Variants in LGALS9 observed in about 807,000 individuals in gnomAD.
The protein encoded by LGALS9 is galectin 9.
Under a neutral mutation model 35.9 loss-of-function variants are expected in LGALS9, and 26 were observed. The ratio of observed to expected loss-of-function variants is 0.72; its 90% CI spans 0.53 to 1.01. LGALS9 has a LOEUF of 1.01. Among genes scored for constraint, LGALS9 ranks in the 50% least tolerant of loss-of-function variants. LGALS9 has a pLI of 0.00. For missense variants in LGALS9, 347 were observed against 445.8 expected, an observed-to-expected ratio of 0.78 and a Z score of 1.99; for synonymous variants, 149 against 172.2, an observed-to-expected ratio of 0.87 and a Z score of 1.06.
At chr17:27,640,951 A>C in intron 3 of LGALS9, 178 bp downstream of exon 3, 2 of 970,618 alleles carry the variant, frequency 2.1e-6, no homozygotes, top group South Asian at 2.8e-5. Flanking sequence ...ATGCACCTTC[A>C]TCTGAATCTA....
rs72845803 is a variant in LGALS9 at position 27,646,730 on chromosome 17, G to A, written c.669+142G>A. On this transcript the variant is annotated intron_variant, in intron 8 of 10. Coordinates refer to ENST00000395473, the MANE Select transcript of LGALS9 (RefSeq NM_009587.3). ...CTGAAGGGCTTCAAAGCATCCCAGCGAATTAGAAGGCTGTGGAGAGGAGCT... is the reference window on the plus strand; with the variant it reads ...CTGAAGGGCTTCAAAGCATCCCAGCAAATTAGAAGGCTGTGGAGAGGAGCT... 8.3e-4 allele frequency: 1,158 copies of A among 1,402,772 alleles called. 2 individuals carry two copies. Among genetic ancestry groups the A allele is most frequent in the Non-Finnish European group, 1.1e-3 (1,121 of 1,002,304 alleles). 86.9% of individuals were successfully genotyped at this position (1,402,772 alleles called of 1,614,324 possible). A position where few individuals can be genotyped will look rare whatever the true frequency, so the allele number is the denominator to read the frequency against.
At chr17:27,637,265 A>G (rs1415323377) in intron 1 of LGALS9, among the ~76,000 whole-genome samples, 1 of 152,162 alleles carries the variant, frequency 6.6e-6, no homozygotes, top group Non-Finnish European at 1.5e-5. Context: ...AGCATCTCCT[A>G]TGTGCCAGTC....
At position 27,648,980 on chromosome 17, in the gene LGALS9, T is replaced by A. The variant is rs201620769; in HGVS notation, c.1066T>A (p.Ter356LysextTer183). 19 of 1,613,774 alleles carry A rather than the reference T, an allele frequency of 1.2e-5. No individual in the cohort carries two copies. The highest frequency in any genetic ancestry group is 1.6e-5 in the Non-Finnish European group (19 of 1,179,838). ...GDIQLTHVQT[*>K] ...CATCCAGCTGACCCATGTGCAGACA[T>A]AGGCGGCTTCCTGGCCCTGGGGCCG... is the stretch of plus-strand genomic sequence containing the variant. The change falls in exon 11 of 11, where the codon TAG (stop) becomes AAG (lysine). Residue 356 changes from the stop codon to lysine (K), a stop_lost. Transcript: ENST00000395473.
chr17:27,637,479 A>G (rs978746471), intron 1 of LGALS9, among the ~76,000 whole-genome samples: 8 of 152,126 alleles, frequency 5.3e-5, no homozygotes, highest in African/African-American at 9.7e-5. Flanking sequence ...ATGGCCCATC[A>G]CTCCTTTAAA....
At chr17:27,640,072 A>ATGT (rs371301084) in intron 2 of LGALS9, among the ~76,000 whole-genome samples, 21 of 151,604 alleles carry the variant, frequency 1.4e-4, no homozygotes, top group African/African-American at 4.1e-4. Flanking sequence ...AGCTCTCACT[A>ATGT]TGTTGCCCAG....
chr17:27,640,897 C>T lies in LGALS9; in HGVS notation c.333+124C>T, dbSNP rs1390617889. 2.8e-6 allele frequency: 4 copies of T among 1,425,210 alleles called. 1 individual carries two copies. The South Asian group carries it at 3.7e-5, about 13-fold the overall frequency. 88.3% of individuals were successfully genotyped at this position (1,425,210 alleles called of 1,614,324 possible). On this transcript the variant is annotated intron_variant, in intron 3 of 10. Transcript: ENST00000395473. ...GTGACACCACTATACAGATAACACG[C>T]TCATTTCCTTGTGAGGTGTTACCCA...
At chr17:27,637,978 T>G (rs770857792) in intron 1 of LGALS9, among the ~76,000 whole-genome samples, 1 of 152,084 alleles carries the variant, frequency 6.6e-6, no homozygotes, top group Non-Finnish European at 1.5e-5. Flanking sequence ...CAGCCTCCAC[T>G]GCCTCTTAGA....
intron 2 of LGALS9, 181 bp from the exon 3 acceptor site, chr17:27,640,391 A>T: frequency 1.1e-6 from 1 of 936,610 alleles, no homozygotes; most frequent in Non-Finnish European, 1.6e-6. Context: ...TCCAATAATT[A>T]AAACAAAAAC....
chr17:27,645,318 C>T lies in LGALS9; in HGVS notation c.545C>T (p.Pro182Leu), dbSNP rs1421059478. ...PRPRGRRQKPPGVWPANPAPI... is the reference protein window; with the variant it reads ...PRPRGRRQKPLGVWPANPAPI... ...TGACTCTCCTCACCCCTCCAGCCTC[C>T]CGGCGTGTGGCCTGCCAACCCGGCT... is the stretch of plus-strand genomic sequence containing the variant. Residue 182 changes from proline to leucine, a missense_variant, in exon 6 of 11, where the codon CCC becomes CTC. Physicochemically the swap from Pro to Leu is moderately conservative, Grantham distance 98 (BLOSUM62 -3). Transcript: ENST00000395473. The T allele has an allele frequency of 5.6e-6, 9 of 1,613,712 alleles. No individual in the cohort carries two copies. Among genetic ancestry groups the T allele is most frequent in the Non-Finnish European group, 6.8e-6 (8 of 1,179,832 alleles).
intron 8 of LGALS9, 52 bp downstream of exon 8, chr17:27,646,640 G>T: frequency 1.2e-6 from 2 of 1,612,646 alleles, no homozygotes; most frequent in Non-Finnish European, 1.7e-6. Flanking sequence ...GGGCAGGCTG[G>T]GGGTGAAGGG....
At chr17:27,643,494 C>G in intron 4 of LGALS9, 31 bp from the exon 5 acceptor site, 1 of 1,610,976 alleles carries the variant, frequency 6.2e-7, no homozygotes, top group South Asian at 1.1e-5. Flanking sequence ...TAATGCTTCT[C>G]CTCACTGCCC....
chr17:27,631,376 A>G lies in LGALS9; in HGVS notation c.39+72A>G, dbSNP rs2074391416. On this transcript the variant is annotated intron_variant, in intron 1 of 10. Coordinates refer to ENST00000395473, the MANE Select transcript of LGALS9 (RefSeq NM_009587.3). ...ACAGCTCTGGGGCTCTGAGGAAGCAACTCCTGGGTGGCAGGGGATGGGGGT... is the reference window on the plus strand; with the variant it reads ...ACAGCTCTGGGGCTCTGAGGAAGCAGCTCCTGGGTGGCAGGGGATGGGGGT... The G allele has an allele frequency of 1.9e-6, 3 of 1,603,122 alleles. No homozygotes were observed. In the South Asian group the frequency reaches 3.3e-5, roughly 18 times the overall value.
Position 27,642,657 on chromosome 17 carries a change from A to G in LGALS9, c.444+309A>G, listed in dbSNP as rs1360614997. ...TTGTTCTAGAAAGAGCCCAGGCTCA[A>G]GAACCAAACTGAATCCAGTTCAAAT... On this transcript the variant is annotated intron_variant, in intron 4 of 10. Transcript: ENST00000395473. 4.7e-4 allele frequency among the ~76,000 whole-genome samples: 72 copies of G among 151,688 alleles called. 2 individuals are homozygous for G. Among genetic ancestry groups the G allele is most frequent in the African/African-American group, 1.7e-3 (68 of 40,944 alleles).
chr17:27,637,774 C>T lies in LGALS9; in HGVS notation c.40-489C>T, dbSNP rs548109689. Among the ~76,000 whole-genome samples, 139 of 152,308 alleles carry T rather than the reference C, an allele frequency of 9.1e-4. 1 individual carries two copies. The Middle Eastern group carries it at 0.017, about 19-fold the overall frequency. ...CCTCCTCGGGTGAGTCGAAGGTTTA[C>T]CCTCCAGACCCTTGATGGGTCCCTT... On this transcript the variant is annotated intron_variant, in intron 1 of 10. Coordinates refer to ENST00000395473, the MANE Select transcript of LGALS9 (RefSeq NM_009587.3).
At chr17:27,634,699 C>T (rs2074425924) in intron 1 of LGALS9, among the ~76,000 whole-genome samples, 1 of 152,206 alleles carries the variant, frequency 6.6e-6, no homozygotes, top group Non-Finnish European at 1.5e-5. Context: ...CTTGTGATCA[C>T]ATTGGGACCA....
At chr17:27,637,517 G>GTGGTT in intron 1 of LGALS9, among the ~76,000 whole-genome samples, 1 of 152,336 alleles carries the variant, frequency 6.6e-6, no homozygotes. Context: ...ATTTGACAAA[G>GTGGTT]TGGTTGCCCG....
At chr17:27,643,197 C>T (rs1476024959) in intron 4 of LGALS9, among the ~76,000 whole-genome samples, 1 of 152,218 alleles carries the variant, frequency 6.6e-6, no homozygotes, top group Non-Finnish European at 1.5e-5. Flanking sequence ...TTTTGGCATT[C>T]GAGGCTGCTC....
At chr17:27,631,973 G>C (rs974432788) in intron 1 of LGALS9, among the ~76,000 whole-genome samples, 4 of 152,058 alleles carry the variant, frequency 2.6e-5, no homozygotes, top group African/African-American at 9.7e-5. Context: ...TCTCAGAGGT[G>C]AGAGGGGGGT....
At chr17:27,641,788 A>T (rs1174289593) in intron 3 of LGALS9, among the ~76,000 whole-genome samples, 2 of 152,070 alleles carry the variant, frequency 1.3e-5, no homozygotes. Context: ...AGCCTGGCCA[A>T]CATGGTGAAA....
Sources: allele counts gnomAD v4.1 joint callset (sites outside exome capture counted in the v4.1 genomes callset), GRCh38; gene constraint gnomAD v4.1.1; transcripts MANE v1.5; gene names NCBI Gene and HGNC (gene_info 2026-07-23, HGNC 2026-07-21).